CLMN: variants seen among roughly 807,000 people sequenced by gnomAD.
The protein encoded by CLMN is calmin (calponin-like, transmembrane).
Under a neutral mutation model 92.7 loss-of-function variants are expected in CLMN, and 57 were observed. That is an observed-to-expected ratio of 0.61 (90% CI 0.50 to 0.77). CLMN has a LOEUF of 0.77. Ranked by LOEUF, CLMN falls within the 30% of genes least tolerant of loss-of-function variation. The pLI is 0.00. For synonymous variants in CLMN, 466 were observed against 470.6 expected (o/e 0.99, Z 0.13); for missense variants, 1,158 against 1,237.5 (o/e 0.94, Z 0.96).
intron 1 of CLMN, among the ~76,000 whole-genome samples, chr14:95,257,498 T>G (rs1389473568): frequency 2.0e-5 from 3 of 152,240 alleles, no homozygotes; most frequent in Non-Finnish European, 4.4e-5. Context: ...CAAATTAAAC[T>G]CTTTCAATTA....
At position 95,186,622 on chromosome 14, in the gene CLMN, T is replaced by G. The variant is rs1262922389; in HGVS notation, c.*4942A>C. 1 of 152,248 alleles carries G rather than the reference T, an allele frequency of 6.6e-6. No homozygotes were observed. The highest frequency in any genetic ancestry group is 2.1e-4 in the South Asian group (1 of 4,832). 9.4% of individuals were successfully genotyped at this position (152,248 alleles called of 1,614,324 possible). A position where few individuals can be genotyped will look rare whatever the true frequency, so the allele number is the denominator to read the frequency against. On this transcript the variant is annotated 3_prime_UTR_variant, in exon 13 of 13. Transcript: ENST00000298912. Reference sequence around the variant, plus strand: ...GCTCTGTCACTCAGGTGGAGTAAAATAGCAGGATCATAGCTCACAGTAACC... The same window carrying G: ...GCTCTGTCACTCAGGTGGAGTAAAAGAGCAGGATCATAGCTCACAGTAACC...
intron 8 of CLMN, 84 bp from the exon 9 acceptor site, chr14:95,204,547 GA>G (rs367865294): frequency 7.9e-7 from 1 of 1,260,546 alleles, no homozygotes; most frequent in South Asian, 1.6e-5. Flanking sequence ...TGAGTAAGAA[GA>G]ATATTTAAGT....
intron 1 of CLMN, among the ~76,000 whole-genome samples, chr14:95,317,141 A>G (rs1257517184): frequency 6.6e-6 from 1 of 152,206 alleles, no homozygotes; most frequent in East Asian, 1.9e-4. Context: ...GCCATCTGAC[A>G]TCTGACAGCC....
intron 1 of CLMN, among the ~76,000 whole-genome samples, chr14:95,238,595 G>A (rs893853816): frequency 1.3e-5 from 2 of 152,156 alleles, no homozygotes; most frequent in Non-Finnish European, 2.9e-5. Context: ...TAAGTGGCAG[G>A]CCAAGTCTTG....
chr14:95,251,021 C>T (rs990126415), intron 1 of CLMN, among the ~76,000 whole-genome samples: 2 of 152,150 alleles, frequency 1.3e-5, no homozygotes, highest in Non-Finnish European at 2.9e-5. Context: ...AAATCTGCTC[C>T]AGGGACCACC....
At chr14:95,279,530 T>G (rs1595089403) in intron 1 of CLMN, among the ~76,000 whole-genome samples, 2 of 152,248 alleles carry the variant, frequency 1.3e-5, no homozygotes, top group East Asian at 3.8e-4. Flanking sequence ...ACGCCTGTAA[T>G]CCCAGCACTT....
chr14:95,192,117 T>C (rs1896577311), intron 12 of CLMN: 1 of 169,636 alleles, frequency 5.9e-6, no homozygotes, highest in East Asian at 1.7e-4. Context: ...GCCACAGTGC[T>C]CTCAGAGAGT....
intron 1 of CLMN, 108 bp from the exon 2 acceptor site, chr14:95,230,241 G>A (rs1347743912): frequency 3.0e-6 from 3 of 1,000,658 alleles, no homozygotes; most frequent in Middle Eastern, 2.1e-4. Context: ...AGAACCCCAG[G>A]GTGTCCCATG....
At chr14:95,296,074 T>C (rs1224958057) in intron 1 of CLMN, 1 of 152,290 alleles carries the variant, frequency 6.6e-6, no homozygotes, top group Admixed American at 6.5e-5. Context: ...GTCTGTTTTA[T>C]GCTGTTATAA....
intron 1 of CLMN, chr14:95,307,798 T>C (rs1901351019): frequency 6.6e-6 from 1 of 152,212 alleles, no homozygotes; most frequent in African/African-American, 2.4e-5. Flanking sequence ...GCAGCCTTTG[T>C]AGACCGGCCT....
intron 1 of CLMN, among the ~76,000 whole-genome samples, chr14:95,308,279 G>A (rs976547593): frequency 1.2e-4 from 19 of 152,200 alleles, no homozygotes; most frequent in African/African-American, 4.3e-4. Flanking sequence ...ACTGTGATAA[G>A]GCTCAGCAGC....
chr14:95,191,731 T>G lies in CLMN; in HGVS notation c.2842A>C (p.Lys948Gln). 1.2e-5 allele frequency: 19 copies of G among 1,604,648 alleles called. No homozygotes were observed. Among genetic ancestry groups the G allele is most frequent in the Non-Finnish European group, 1.6e-5 (19 of 1,177,102 alleles). The change falls in exon 13 of 13, where the codon AAG becomes CAG. Residue 948 changes from lysine (K) to glutamine (Q), a missense_variant and splice_region_variant. Lys to Gln is a moderately conservative substitution (Grantham distance 53). Transcript: ENST00000298912. The surrounding 1 kb of genome is among the most constrained non-coding windows in gnomAD (Gnocchi z 5.3). Reference sequence around the variant, plus strand: ...ATGGCTTCTCCTGAGCTGTTGGCCTTCCTACAGAAGAAACACAGAGGAAAC... The same window carrying G: ...ATGGCTTCTCCTGAGCTGTTGGCCTGCCTACAGAAGAAACACAGAGGAAAC... ...DDRRNRILTRKANSSGEAMSL... is the reference protein window; with the variant it reads ...DDRRNRILTRQANSSGEAMSL...
At chr14:95,204,849 T>C (rs1897003786) in intron 8 of CLMN, among the ~76,000 whole-genome samples, 1 of 152,186 alleles carries the variant, frequency 6.6e-6, no homozygotes, top group African/African-American at 2.4e-5. Flanking sequence ...GGGTATGGAC[T>C]TGGAGAAGAG....
intron 1 of CLMN, among the ~76,000 whole-genome samples, chr14:95,236,833 G>A (rs1898073389): frequency 6.6e-6 from 1 of 152,064 alleles, no homozygotes; most frequent in Admixed American, 6.5e-5. Context: ...GAGGTTGTGA[G>A]GACCAAGTTT....
At chr14:95,284,539 C>T (rs10146283) in intron 1 of CLMN, among the ~76,000 whole-genome samples, 2,461 of 152,298 alleles carry the variant, frequency 0.016, 56 homozygotes, top group African/African-American at 0.055. Context: ...CCCTGCAAAG[C>T]CACAGGTGGG....
At chr14:95,217,397 A>T (rs969161871) in intron 4 of CLMN, among the ~76,000 whole-genome samples, 2 of 152,114 alleles carry the variant, frequency 1.3e-5, no homozygotes, top group African/African-American at 4.8e-5. Flanking sequence ...TGCCTAATCG[A>T]GGGAGAGTTC....
chr14:95,245,238 T>TATAA (rs1298554368), intron 1 of CLMN, among the ~76,000 whole-genome samples: 1 of 28,176 alleles, frequency 3.5e-5, no homozygotes, highest in Admixed American at 5.3e-4. Flanking sequence ...TATATATATA[T>TATAA]TATATATATA....
intron 9 of CLMN, 104 bp downstream of exon 9, chr14:95,202,734 G>A: frequency 8.0e-7 from 1 of 1,255,702 alleles, no homozygotes; most frequent in Non-Finnish European, 1.1e-6. Flanking sequence ...CCCAAGGGAA[G>A]CCCCCTCATC....
chr14:95,235,856 C>CT (rs1898036088), intron 1 of CLMN, among the ~76,000 whole-genome samples: 1 of 152,150 alleles, frequency 6.6e-6, no homozygotes, highest in Admixed American at 6.5e-5. Context: ...CATCTCTACA[C>CT]GCGCTCGCCC....
Sources: gnomAD v4.1 joint callset for allele counts (sites outside exome capture counted in the v4.1 genomes callset) on GRCh38, gnomAD v4.1.1 for gene constraint, Gnocchi (gnomAD v3.1) non-coding constraint, MANE v1.5 for transcripts, NCBI Gene and HGNC (gene_info 2026-07-23, HGNC 2026-07-21) for gene names.